Variants in CADM2 observed in about 807,000 individuals in gnomAD.
The protein encoded by CADM2 is cell adhesion molecule 2, also known as immunoglobulin superfamily member 4D.
In CADM2, 12 loss-of-function variants were observed where a neutral mutation model predicts 49.8. The ratio of observed to expected loss-of-function variants is 0.24; its 90% CI spans 0.15 to 0.39. CADM2 has a LOEUF of 0.39. CADM2 is among the 10% of genes least tolerant of loss of function. The pLI is 1.00. For synonymous variants in CADM2, 214 were observed against 175.4 expected (o/e 1.22, Z -1.74); for missense variants, 378 against 492.3 (o/e 0.77, Z 2.20).
At chr3:86,058,967 G>T (rs535081254) in intron 8 of CADM2, among the ~76,000 whole-genome samples, 1 of 151,712 alleles carries the variant, frequency 6.6e-6, no homozygotes, top group Non-Finnish European at 1.5e-5. Flanking sequence ...GGTGATGCAT[G>T]CCTATAATCT....
At chr3:85,730,113 T>G (rs2067865734) in intron 2 of CADM2, among the ~76,000 whole-genome samples, 1 of 152,156 alleles carries the variant, frequency 6.6e-6, no homozygotes, top group Admixed American at 6.6e-5. Context: ...ATTTTATCCC[T>G]ATAGTGTCTT....
rs898124210 is a variant in CADM2, at chr3:85,856,517, G to A, written c.239-26774G>A. 2.6e-5 allele frequency among the ~76,000 whole-genome samples: 4 copies of A among 152,114 alleles called. No homozygotes were observed. In the South Asian group the frequency reaches 8.3e-4, roughly 31 times the overall value. ...TATGCTACCCAATTTTTCTTCAGAA[G>A]CATCATAGGCTATTTAATATTTTCT... is the stretch of plus-strand genomic sequence containing the variant. On this transcript the variant is annotated intron_variant, in intron 3 of 9. Transcript: ENST00000383699.
intron 1 of CADM2, among the ~76,000 whole-genome samples, chr3:85,358,623 T>C (rs747615972): frequency 1.3e-5 from 2 of 152,078 alleles, no homozygotes; most frequent in African/African-American, 2.4e-5. Flanking sequence ...TAAACAGTGA[T>C]TGATCAAAGG....
chr3:85,946,649 AC>A (rs1397085888), intron 7 of CADM2, among the ~76,000 whole-genome samples: 4 of 152,142 alleles, frequency 2.6e-5, no homozygotes, highest in South Asian at 2.1e-4. Context: ...CCTCACATCT[AC>A]AACTATCTGA....
chr3:85,652,305 G>A (rs1009177333), intron 1 of CADM2, among the ~76,000 whole-genome samples: 13 of 152,062 alleles, frequency 8.5e-5, no homozygotes, highest in South Asian at 2.1e-4. Flanking sequence ...TGATATCTGC[G>A]TTAGTTGTCT....
intron 1 of CADM2, among the ~76,000 whole-genome samples, chr3:85,001,596 T>C (rs1006411178): frequency 5.9e-5 from 9 of 152,076 alleles, no homozygotes; most frequent in Non-Finnish European, 1.3e-4. Flanking sequence ...AATCTCAATG[T>C]CTCTTTCCCA....
intron 1 of CADM2, among the ~76,000 whole-genome samples, chr3:85,627,673 A>G (rs1199163601): frequency 1.3e-5 from 2 of 152,024 alleles, no homozygotes; most frequent in Non-Finnish European, 2.9e-5. Flanking sequence ...ATTGCTTTAA[A>G]TTTGATGCAC....
At chr3:85,287,280 C>CT (rs936646567) in intron 1 of CADM2, among the ~76,000 whole-genome samples, 29 of 146,256 alleles carry the variant, frequency 2.0e-4, no homozygotes, top group South Asian at 4.4e-4. Context: ...TATGTCCATA[C>CT]TTTTTTTTTT....
At position 86,015,152 on chromosome 3, in the gene CADM2, T is replaced by C. The variant is rs1350567901; in HGVS notation, c.971-50453T>C. ...GTTTTAAAAATAGGCCTTCTTATAT[T>C]TGATATTTTAAAGAAAAGCCATATG... On this transcript the variant is annotated intron_variant, in intron 8 of 9. Transcript: ENST00000383699. 2.0e-5 allele frequency: 10 copies of C among 489,876 alleles called. No individual in the cohort carries two copies. The Admixed American group carries it at 3.1e-4, about 15-fold the overall frequency. 30.3% of individuals were successfully genotyped at this position (489,876 alleles called of 1,614,324 possible). A position where few individuals can be genotyped will look rare whatever the true frequency, so the allele number is the denominator to read the frequency against.
At chr3:85,894,394 T>C (rs562422256) in intron 5 of CADM2, among the ~76,000 whole-genome samples, 13 of 152,050 alleles carry the variant, frequency 8.5e-5, no homozygotes, top group Admixed American at 4.6e-4. Context: ...ATACCTAATG[T>C]TAAATGACGA....
chr3:85,784,856 G>T (rs779354578), intron 2 of CADM2, among the ~76,000 whole-genome samples: 1 of 152,116 alleles, frequency 6.6e-6, no homozygotes, highest in African/African-American at 2.4e-5. Flanking sequence ...AGTTTAAATA[G>T]AATTGGCATT....
intron 1 of CADM2, among the ~76,000 whole-genome samples, chr3:85,707,604 T>C (rs2066991131): frequency 6.6e-6 from 1 of 152,094 alleles, no homozygotes; most frequent in African/African-American, 2.4e-5. Flanking sequence ...CATTTTGAGA[T>C]TATATGGATG....
chr3:85,699,558 T>C (rs1427073127), intron 1 of CADM2, among the ~76,000 whole-genome samples: 1 of 152,260 alleles, frequency 6.6e-6, no homozygotes, highest in African/African-American at 2.4e-5. Context: ...CCAGGGCTTA[T>C]GGTTTGCACT....
chr3:85,284,161 C>A (rs2043571075), intron 1 of CADM2, among the ~76,000 whole-genome samples: 1 of 152,046 alleles, frequency 6.6e-6, no homozygotes, highest in Non-Finnish European at 1.5e-5. Flanking sequence ...TCCAAATTTT[C>A]CTTCTTAAAA....
At chr3:85,212,396 C>T (rs564835270) in intron 1 of CADM2, among the ~76,000 whole-genome samples, 1 of 152,048 alleles carries the variant, frequency 6.6e-6, no homozygotes, top group African/African-American at 2.4e-5. Flanking sequence ...TGGTTTTCTC[C>T]AGTGGCATGT....
At chr3:86,001,539 G>A (rs567598288) in intron 8 of CADM2, among the ~76,000 whole-genome samples, 2 of 152,218 alleles carry the variant, frequency 1.3e-5, no homozygotes, top group Non-Finnish European at 2.9e-5. Flanking sequence ...TACAATGAAA[G>A]GAAGAAACCA....
chr3:85,328,747 A>G (rs989478297), intron 1 of CADM2, among the ~76,000 whole-genome samples: 2 of 152,210 alleles, frequency 1.3e-5, no homozygotes, highest in Admixed American at 6.5e-5. Flanking sequence ...CCTTGAAAAT[A>G]CTAAGTCTAG....
chr3:85,714,353 T>G (rs2067213594), intron 1 of CADM2, among the ~76,000 whole-genome samples: 1 of 152,174 alleles, frequency 6.6e-6, no homozygotes, highest in South Asian at 2.1e-4. Context: ...CTTAGTAATA[T>G]CACCTCAAAA....
At chr3:85,699,194 C>G (rs1269557521) in intron 1 of CADM2, among the ~76,000 whole-genome samples, 1 of 152,200 alleles carries the variant, frequency 6.6e-6, no homozygotes, top group Non-Finnish European at 1.5e-5. Context: ...TTGGACAGCT[C>G]TGCCCCTGTG....
Sources: gnomAD v4.1 joint callset for allele counts (sites outside exome capture counted in the v4.1 genomes callset) on GRCh38, gnomAD v4.1.1 for gene constraint, MANE v1.5 for transcripts, NCBI Gene and HGNC (gene_info 2026-07-23, HGNC 2026-07-21) for gene names.